COL12A1: variants seen among roughly 807,000 people sequenced by gnomAD.
COL12A1 encodes collagen alpha-1(XII) chain.
COL12A1 carries 114 observed loss-of-function variants against 349.7 expected under a neutral mutation model. That is an observed-to-expected ratio of 0.33 (90% CI 0.28 to 0.38). The LOEUF is 0.38. COL12A1 is among the 10% of genes least tolerant of loss of function. The probability of loss-of-function intolerance (pLI) is 1.00; values close to 1 mark genes in which losing one functional copy is unlikely to be tolerated. For missense variants in COL12A1, 3,284 were observed against 3,756.9 expected (o/e 0.87, Z 3.29); for synonymous variants, 1,369 against 1,329.0 (o/e 1.03, Z -0.66).
At chr6:75,105,071 G>T in intron 54 of COL12A1, 135 bp downstream of exon 54, 1 of 587,590 alleles carries the variant, frequency 1.7e-6, no homozygotes, top group Non-Finnish European at 3.0e-6. Context: ...CTAAAAAGAT[G>T]GTCTGCAATT....
chr6:75,125,177 G>GC lies in COL12A1; in HGVS notation c.6556dup (p.Ala2186GlyfsTer4). 6.2e-7 allele frequency: 1 copy of GC among 1,612,476 alleles called. No homozygotes were observed. Among genetic ancestry groups the GC allele is most frequent in the Non-Finnish European group, 8.5e-7 (1 of 1,179,020 alleles). On this transcript the variant is annotated frameshift_variant, in exon 40 of 66. Coordinates refer to ENST00000322507, the MANE Select transcript of COL12A1 (RefSeq NM_004370.6). LOFTEE classifies it high-confidence loss of function. ...GACACTGAGTCCAGAATCATATTGA[G>GC]CATAAACATTCACATCGTAGGTGGT...
intron 1 of COL12A1, among the ~76,000 whole-genome samples, chr6:75,205,510 G>T (rs1770734929): frequency 6.6e-6 from 1 of 152,012 alleles, no homozygotes; most frequent in East Asian, 1.9e-4. Flanking sequence ...CTCTAGAAAC[G>T]GAAACACTGA....
chr6:75,143,127 T>C, intron 26 of COL12A1, 125 bp downstream of exon 26: 1 of 1,114,760 alleles, frequency 9.0e-7, no homozygotes, highest in Non-Finnish European at 1.3e-6. Flanking sequence ...ATCACAAGTT[T>C]TCAACACTGT....
At chr6:75,192,407 T>C in intron 3 of COL12A1, 52 bp from the exon 4 acceptor site, 2 of 1,495,304 alleles carry the variant, frequency 1.3e-6, no homozygotes, top group Non-Finnish European at 1.9e-6. Context: ...TTTTCACATA[T>C]AACACAATAC....
intron 21 of COL12A1, among the ~76,000 whole-genome samples, chr6:75,150,494 G>A (rs773742700): frequency 6.6e-6 from 1 of 152,072 alleles, no homozygotes; most frequent in Non-Finnish European, 1.5e-5. Context: ...TGTCTAAACT[G>A]TAAAATTGTA....
rs2149416860 is a variant in COL12A1 at position 75,151,974 on chromosome 6, G to A, written c.3893C>T (p.Pro1298Leu). 1.2e-6 allele frequency: 2 copies of A among 1,613,772 alleles called. No homozygotes were observed. Among genetic ancestry groups the A allele is most frequent in the Non-Finnish European group, 1.7e-6 (2 of 1,179,800 alleles). Reference sequence around the variant, plus strand: ...GAGCACACCAATTTTTCGAGCTCGAGGTCTCATGCCAGCTTGGGTCCTGAA... The same window carrying A: ...GAGCACACCAATTTTTCGAGCTCGAAGTCTCATGCCAGCTTGGGTCCTGAA... Reference protein sequence around the residue: ...QNFRTQAGMRPRARKIGVLIT... With the variant: ...QNFRTQAGMRLRARKIGVLIT... Residue 1298 changes from proline (P) to leucine (L), a missense_variant, in exon 20 of 66, where the codon CCT (proline) becomes CTT (leucine). Physicochemically the swap from Pro to Leu is moderately conservative, Grantham distance 98. Coordinates refer to ENST00000322507, the MANE Select transcript of COL12A1 (RefSeq NM_004370.6).
At chr6:75,155,585 C>G in intron 16 of COL12A1, 77 bp downstream of exon 16, 1 of 1,373,476 alleles carries the variant, frequency 7.3e-7, no homozygotes. Context: ...TGTGTAAAGC[C>G]TACTAATTTA....
chr6:75,182,968 G>T, intron 10 of COL12A1, 82 bp downstream of exon 10: 2 of 1,473,928 alleles, frequency 1.4e-6, no homozygotes, highest in South Asian at 2.8e-5. Context: ...AAGAAGAATT[G>T]AACAAGCATA....
In COL12A1 at chr6:75,130,988, G is replaced by A. The variant is rs1343757913; in HGVS notation, c.5938-7C>T. On this transcript the variant is annotated splice_polypyrimidine_tract_variant and splice_region_variant and intron_variant, in intron 35 of 65. Transcript: ENST00000322507. The stretch of plus-strand genomic sequence containing the variant: ...TGTTTCCTGGCACTACTATCTGCAG[G>A]AGAGGAAATGCCAAATTCTGCCTGA... 9.3e-6 allele frequency: 15 copies of A among 1,613,916 alleles called. No individual in the cohort carries two copies. The highest frequency in any genetic ancestry group is 1.3e-5 in the Non-Finnish European group (15 of 1,179,976).
chr6:75,116,036 T>C lies in COL12A1; in HGVS notation c.7541A>G (p.Asp2514Gly), dbSNP rs202109365. Residue 2514 changes from aspartate (D) to glycine (G), a missense_variant, in exon 48 of 66, where the codon GAT becomes GGT. Asp to Gly is a moderately conservative substitution (Grantham distance 94). Transcript: ENST00000322507. ...ATGCTTACCTGGTGAGGTGTAGCCA[T>C]CCAAATAAATGAGAGGACAACCTGC... ...ATSSCPLIYL[D>G]GYTSPGFKML... is the part of the protein sequence containing the mutation. The C allele has an allele frequency of 5.1e-5, 83 of 1,613,302 alleles. No individual in the cohort carries two copies. Among genetic ancestry groups the C allele is most frequent in the South Asian group, 2.2e-4 (20 of 91,072 alleles).
chr6:75,090,570 T>G lies in COL12A1; in HGVS notation c.8753-272A>C, dbSNP rs1378918704. ...AAGAGTTGTTAAAGTTTAATATGGC[T>G]CTGAAATAAAGTCTTGAGATTTACC... is the stretch of plus-strand genomic sequence containing the variant. On this transcript the variant is annotated intron_variant, in intron 62 of 65. Transcript: ENST00000322507. This position sits in a 1 kb window ranked among gnomAD's most constrained non-coding sequence, Gnocchi z 4.1. 1.3e-5 allele frequency among the ~76,000 whole-genome samples: 2 copies of G among 152,216 alleles called. No individual in the cohort carries two copies. Among genetic ancestry groups the G allele is most frequent in the African/African-American group, 4.8e-5 (2 of 41,458 alleles).
intron 38 of COL12A1, 108 bp from the exon 39 acceptor site, chr6:75,126,578 A>G: frequency 8.3e-7 from 1 of 1,210,274 alleles, no homozygotes; most frequent in Non-Finnish European, 1.1e-6. Context: ...ATTTCATAAT[A>G]TCCCATAATG....
Position 75,135,992 on chromosome 6 carries a change from G to C in COL12A1, c.5395-1137C>G, listed in dbSNP as rs369205616. Among the ~76,000 whole-genome samples the C allele has an allele frequency of 2.8e-4, 43 of 152,246 alleles. 1 individual carries two copies. The highest frequency in any genetic ancestry group is 9.1e-4 in the African/African-American group (38 of 41,538). On this transcript the variant is annotated intron_variant, in intron 31 of 65. Transcript: ENST00000322507. Reference sequence around the variant, plus strand: ...ATCATTTTCATGATTTCACGGACTAGTGTTAAAATCCAAGTACCCCAAAGA... The same window carrying C: ...ATCATTTTCATGATTTCACGGACTACTGTTAAAATCCAAGTACCCCAAAGA...
intron 52 of COL12A1, among the ~76,000 whole-genome samples, 179 bp from the exon 53 acceptor site, chr6:75,106,675 GAGAT>G (rs1768560684): frequency 1.3e-5 from 2 of 152,252 alleles, no homozygotes; most frequent in African/African-American, 2.4e-5. Context: ...CTACGAGAAA[GAGAT>G]AGAAAAGTGA....
At chr6:75,115,947 A>T in intron 48 of COL12A1, 25 bp from the exon 49 acceptor site, 2 of 1,612,170 alleles carry the variant, frequency 1.2e-6, no homozygotes, top group Non-Finnish European at 1.7e-6. Flanking sequence ...AGAAAATATT[A>T]AACGGAGTAC....
intron 47 of COL12A1, among the ~76,000 whole-genome samples, chr6:75,117,086 T>C (rs1482883025): frequency 2.0e-5 from 3 of 152,110 alleles, no homozygotes; most frequent in African/African-American, 4.8e-5. Flanking sequence ...CTATATGCAA[T>C]TTGAGGCTGA....
At chr6:75,128,718 G>C (rs1249965717) in intron 37 of COL12A1, among the ~76,000 whole-genome samples, 6 of 152,130 alleles carry the variant, frequency 3.9e-5, no homozygotes, top group African/African-American at 1.2e-4. Flanking sequence ...GTGTGCTTCA[G>C]AACACCTTAC....
intron 2 of COL12A1, 58 bp downstream of exon 2, chr6:75,202,661 GT>G (rs1427694575): frequency 4.7e-6 from 7 of 1,483,822 alleles, no homozygotes; most frequent in Non-Finnish European, 6.4e-6. Context: ...AGAAAGATGT[GT>G]TTTTTCCTTT....
intron 50 of COL12A1, 101 bp from the exon 51 acceptor site, chr6:75,113,414 T>C: frequency 1.0e-6 from 1 of 996,794 alleles, no homozygotes; most frequent in Non-Finnish European, 1.4e-6. Context: ...TTTAAAAATA[T>C]AATAATTTCA....
Sources: gnomAD v4.1 joint callset for allele counts (sites outside exome capture counted in the v4.1 genomes callset) on GRCh38, gnomAD v4.1.1 for gene constraint, Gnocchi (gnomAD v3.1) non-coding constraint, MANE v1.5 for transcripts, NCBI Gene and HGNC (gene_info 2026-07-23, HGNC 2026-07-21) for gene names.